Variants in CLCN2 observed in about 807,000 individuals in gnomAD.
CLCN2 encodes chloride voltage-gated channel 2, also known as chloride channel protein 2.
In CLCN2, 72 loss-of-function variants were observed where a neutral mutation model predicts 108.3. The ratio of observed to expected loss-of-function variants is 0.66; its 90% CI spans 0.55 to 0.81. The LOEUF is 0.81. CLCN2 is among the 30% of genes least tolerant of loss of function. CLCN2 has a pLI of 0.00. For synonymous variants in CLCN2, 471 were observed against 467.1 expected, an observed-to-expected ratio of 1.01 and a Z score of -0.11; for missense variants, 1,048 against 1,205.2, an observed-to-expected ratio of 0.87 and a Z score of 1.93.
chr3:184,357,846 A>G lies in CLCN2; in HGVS notation c.626T>C (p.Val209Ala). 6.2e-7 allele frequency: 1 copy of G among 1,613,948 alleles called. No homozygotes were observed. The highest frequency in any genetic ancestry group is 2.2e-5 in the East Asian group (1 of 44,878). Reference sequence around the variant, plus strand: ...GGCAGCACACATGCTTGCGATATGCACAAAAGGGCCCTGCGGGGTGGGGCA... The same window carrying G: ...GGCAGCACACATGCTTGCGATATGCGCAAAAGGGCCCTGCGGGGTGGGGCA... Reference protein sequence around the residue: ...GMPLGKEGPFVHIASMCAALL... With the variant: ...GMPLGKEGPFAHIASMCAALL... Residue 209 changes from valine to alanine, a missense_variant, in exon 6 of 24, where the codon GTG becomes GCG. By Grantham distance (64) the Val-to-Ala change is moderately conservative. Coordinates refer to ENST00000265593, the MANE Select transcript of CLCN2 (RefSeq NM_004366.6).
intron 5 of CLCN2, 30 bp downstream of exon 5, chr3:184,357,932 G>A: frequency 6.2e-7 from 1 of 1,613,774 alleles, no homozygotes. Context: ...CCACCAGGAG[G>A]GACTCCTTCA....
chr3:184,354,516 C>T (rs961189636), intron 14 of CLCN2, 32 bp downstream of exon 14: 1 of 1,563,964 alleles, frequency 6.4e-7, no homozygotes, highest in Non-Finnish European at 8.8e-7. Context: ...GTGGGGGGGT[C>T]TCCCAAGGCC....
intron 22 of CLCN2, chr3:184,347,844 T>C (rs925323603): frequency 2.6e-5 from 4 of 152,316 alleles, no homozygotes; most frequent in African/African-American, 9.7e-5. Flanking sequence ...CCCTAAGCTT[T>C]CACATATAAT....
At chr3:184,353,535 C>T (rs1417922082) in intron 16 of CLCN2, 113 bp from the exon 17 acceptor site, 3 of 1,543,478 alleles carry the variant, frequency 1.9e-6, no homozygotes, top group Admixed American at 3.8e-5. Context: ...CAGAGGGAAG[C>T]CCCCACCTGG....
rs767679045 is a variant in CLCN2 at position 184,357,455 on chromosome 3, A to C, written c.805T>G (p.Phe269Val). Residue 269 changes from phenylalanine to valine, a missense_variant, in exon 8 of 24, where the codon TTC becomes GTC. Physicochemically the swap from Phe to Val is conservative, Grantham distance 50 (BLOSUM62 -1). Transcript: ENST00000265593. ...CGCCAGTAGTTCCGCACTGCAAAGA[A>C]GGTGGAGGTGACCTCGATGCTGAAG... is the stretch of plus-strand genomic sequence containing the variant. ...VLFSIEVTST[F>V]FAVRNYWRGF... 6.2e-7 allele frequency: 1 copy of C among 1,614,202 alleles called. No homozygotes were observed. Among genetic ancestry groups the C allele is most frequent in the East Asian group, 2.2e-5 (1 of 44,874 alleles).
chr3:184,357,469 T>C lies in CLCN2; in HGVS notation c.791A>G (p.Glu264Gly). 1 of 1,614,146 alleles carries C rather than the reference T, an allele frequency of 6.2e-7. No individual in the cohort carries two copies. Among genetic ancestry groups the C allele is most frequent in the Non-Finnish European group, 8.5e-7 (1 of 1,180,044 alleles). The change falls in exon 8 of 24, where the codon GAG becomes GGG. Residue 264 changes from glutamate to glycine, a missense_variant. By Grantham distance (98) the Glu-to-Gly change is moderately conservative. Transcript: ENST00000265593. ...APIGGVLFSI[E>G]VTSTFFAVRN... ...CACTGCAAAGAAGGTGGAGGTGACC[T>C]CGATGCTGAAGAGGACGCCTGTGAG...
intron 19 of CLCN2, 54 bp from the exon 20 acceptor site, chr3:184,352,550 G>A: frequency 6.4e-7 from 1 of 1,560,478 alleles, no homozygotes; most frequent in Non-Finnish European, 8.8e-7. Context: ...GTTATAGGGA[G>A]AGGGGAGGTG....
intron 15 of CLCN2, 85 bp downstream of exon 15, chr3:184,354,016 G>A: frequency 2.0e-6 from 3 of 1,466,038 alleles, no homozygotes; most frequent in South Asian, 1.2e-5. Flanking sequence ...GTAGGCTCCA[G>A]GACCTTGCTA....
intron 22 of CLCN2, chr3:184,348,095 C>CT (rs1180761621): frequency 1.3e-5 from 2 of 152,220 alleles, no homozygotes; most frequent in Non-Finnish European, 2.9e-5. Context: ...TGCCTTAACA[C>CT]TTTTTAAATG....
At chr3:184,348,527 G>A (rs972386011) in intron 22 of CLCN2, 1 of 145,980 alleles carries the variant, frequency 6.9e-6, no homozygotes, top group African/African-American at 2.5e-5. Flanking sequence ...TGTGTTTCTT[G>A]AATACCTATA....
chr3:184,351,398 A>G (rs1014093866), intron 22 of CLCN2, among the ~76,000 whole-genome samples: 1 of 152,064 alleles, frequency 6.6e-6, no homozygotes, highest in Middle Eastern at 3.2e-3. Flanking sequence ...CGCCCACCCC[A>G]GGCAGTCTGC....
At position 184,352,106 on chromosome 3, in the gene CLCN2, C is replaced by G. The variant is rs1728146534; in HGVS notation, c.2322G>C (p.Trp774Cys). 1 of 1,613,594 alleles carries G rather than the reference C, an allele frequency of 6.2e-7. No individual in the cohort carries two copies. Among genetic ancestry groups the G allele is most frequent in the South Asian group, 1.1e-5 (1 of 91,070 alleles). Residue 774 changes from tryptophan to cysteine, a missense_variant, in exon 22 of 24, where the codon TGG (tryptophan) becomes TGC (cysteine). By Grantham distance (215) the Trp-to-Cys change is radical. Transcript: ENST00000265593. ...CAGGTTCATCTAGTTGCTGCTCCTC[C>G]CACTCCAGAATCTGAGGGGAAGAGA... ...GEMSPEEILE[W>C]EEQQLDEPVN...
In CLCN2 at chr3:184,355,361, G is replaced by A. The variant is rs942580083; in HGVS notation, c.1326+13C>T. 3 of 1,613,690 alleles carry A rather than the reference G, an allele frequency of 1.9e-6. No individual in the cohort carries two copies. The highest frequency in any genetic ancestry group is 1.7e-5 in the Admixed American group (1 of 60,028). On this transcript the variant is annotated intron_variant, in intron 12 of 23. Coordinates refer to ENST00000265593, the MANE Select transcript of CLCN2 (RefSeq NM_004366.6). This position sits in a 1 kb window ranked among gnomAD's most constrained non-coding sequence, Gnocchi z 6.3. The stretch of plus-strand genomic sequence containing the variant: ...CTATGTAAAGGTTAGCAGTGTACAC[G>A]TGAGGAGCCCACCTTCATGAGAATG...
intron 22 of CLCN2, chr3:184,347,863 GT>G (rs1460030882): frequency 6.6e-6 from 1 of 152,210 alleles, no homozygotes; most frequent in Non-Finnish European, 1.5e-5. Flanking sequence ...ATCACCAGGG[GT>G]TCAGAAATTG....
At position 184,353,813 on chromosome 3, in the gene CLCN2, C is replaced by T. The variant is rs138507414; in HGVS notation, c.1722-18G>A. The T allele has an allele frequency of 7.9e-4, 1,262 of 1,601,232 alleles. 3 individuals carry two copies. In the African/African-American group the frequency reaches 0.01, roughly 13 times the overall value. ...GGTACTGCCTGGGGGCCGAGAGAGG[C>T]GCTTGGTTTGTGGTCAGCATGGGGA... On this transcript the variant is annotated intron_variant, in intron 15 of 23. Transcript: ENST00000265593.
chr3:184,361,492 C>T lies in CLCN2; in HGVS notation c.-13G>A, dbSNP rs537783950. ...CCGCGGCCGCCATCTCCGCGCACTG[C>T]CCTCTCGCCTCCCTCGGCGGTTCCG... is the stretch of plus-strand genomic sequence containing the variant. On this transcript the variant is annotated 5_prime_UTR_variant, in exon 1 of 24. Transcript: ENST00000265593. This position sits in a 1 kb window ranked among gnomAD's most constrained non-coding sequence, Gnocchi z 6.6. 3.1e-6 allele frequency: 5 copies of T among 1,610,328 alleles called. No individual in the cohort carries two copies. Among genetic ancestry groups the T allele is most frequent in the Non-Finnish European group, 4.2e-6 (5 of 1,179,830 alleles).
At chr3:184,351,662 C>T (rs1044050313) in intron 22 of CLCN2, among the ~76,000 whole-genome samples, 5 of 152,174 alleles carry the variant, frequency 3.3e-5, no homozygotes, top group African/African-American at 7.2e-5. Context: ...TCCGCATGGG[C>T]GTATCAACCT....
chr3:184,360,293 C>T (rs539149412), intron 1 of CLCN2, among the ~76,000 whole-genome samples: 2 of 152,026 alleles, frequency 1.3e-5, no homozygotes, highest in African/African-American at 4.8e-5. Flanking sequence ...GGACAGAGCT[C>T]GACCCTGAGA....
chr3:184,358,452 T>C (rs1711563295), intron 3 of CLCN2, 142 bp from the exon 4 acceptor site: 2 of 1,287,188 alleles, frequency 1.6e-6, no homozygotes, highest in Admixed American at 1.8e-5. Context: ...CCTGAGGGTA[T>C]TCACTGGGAC....
Sources: gnomAD v4.1 joint callset for allele counts (sites outside exome capture counted in the v4.1 genomes callset) on GRCh38, gnomAD v4.1.1 for gene constraint, Gnocchi (gnomAD v3.1) non-coding constraint, MANE v1.5 for transcripts, NCBI Gene and HGNC (gene_info 2026-07-23, HGNC 2026-07-21) for gene names.